The following CTNNB1 variants were observed in gnomAD, a reference collection of about 807,000 sequenced individuals.
CTNNB1 encodes catenin beta 1, also known as catenin beta-1.
Under a neutral mutation model 82.5 loss-of-function variants are expected in CTNNB1, and 6 were observed. The ratio of observed to expected loss-of-function variants is 0.07; its 90% confidence interval spans 0.04 to 0.14. CTNNB1 has a LOEUF of 0.14. Ranked by LOEUF, CTNNB1 falls within the 10% of genes least tolerant of loss-of-function variation. The probability of loss-of-function intolerance (pLI) is 1.00; values close to 1 mark genes in which losing one functional copy is unlikely to be tolerated. For missense variants in CTNNB1, 529 were observed against 980.4 expected (o/e 0.54, Z 6.15); for synonymous variants, 312 against 329.7 (o/e 0.95, Z 0.58).
intron 14 of CTNNB1, 136 bp from the exon 15 acceptor site, chr3:41,238,998 A>G (rs1305787496): frequency 5.2e-6 from 4 of 768,042 alleles, no homozygotes; most frequent in East Asian, 2.6e-5. Context: ...TGAAGAGGCT[A>G]GAAAGCGTTG....
At chr3:41,207,194 C>A (rs572449677) in intron 1 of CTNNB1, among the ~76,000 whole-genome samples, 5 of 152,042 alleles carry the variant, frequency 3.3e-5, no homozygotes, top group African/African-American at 1.2e-4. Context: ...GATGAGATAT[C>A]TAGGAATGCC....
chr3:41,223,321 A>G (rs952561893), intron 1 of CTNNB1, among the ~76,000 whole-genome samples: 2 of 152,128 alleles, frequency 1.3e-5, no homozygotes, highest in Non-Finnish European at 2.9e-5. Context: ...TTAGATGATA[A>G]GATTTATATA....
chr3:41,209,538 G>T (rs1490664183), intron 1 of CTNNB1, among the ~76,000 whole-genome samples: 1 of 152,132 alleles, frequency 6.6e-6, no homozygotes. Flanking sequence ...ATAAAGTCAC[G>T]TGTCATTTTA....
chr3:41,210,961 A>G, intron 1 of CTNNB1: 1 of 449,194 alleles, frequency 2.2e-6, no homozygotes, highest in Non-Finnish European at 4.5e-6. Flanking sequence ...TGGCTAATTA[A>G]AAAAAATTTT....
rs1401882850 is a variant in CTNNB1 at position 41,235,714 on chromosome 3, C to T, written c.1684-10C>T. ...AATGCCCTGTTTGTTAACCATGTTT[C>T]TTTTGGCAGGAGGGGGTCCGCATGG... On this transcript the variant is annotated splice_polypyrimidine_tract_variant and intron_variant, in intron 10 of 14. Transcript: ENST00000349496. 1.9e-6 allele frequency: 3 copies of T among 1,614,090 alleles called. No homozygotes were observed. Among genetic ancestry groups the T allele is most frequent in the Non-Finnish European group, 2.5e-6 (3 of 1,179,986 alleles).
intron 1 of CTNNB1, among the ~76,000 whole-genome samples, chr3:41,218,311 A>G (rs2077959560): frequency 1.3e-5 from 2 of 152,082 alleles, no homozygotes; most frequent in Non-Finnish European, 2.9e-5. Context: ...TCCTAATAAT[A>G]CAATACTTGA....
chr3:41,231,547 T>C (rs903630581), intron 7 of CTNNB1, among the ~76,000 whole-genome samples: 1 of 152,192 alleles, frequency 6.6e-6, no homozygotes, highest in Non-Finnish European at 1.5e-5. Context: ...ACAGAATACT[T>C]TGGTCAGTTT....
rs375741392 is a variant in CTNNB1 at position 41,224,773 on chromosome 3, T to A, written c.241+20T>A. The A allele has an allele frequency of 6.2e-7, 1 of 1,608,228 alleles. No individual in the cohort carries two copies. Among genetic ancestry groups the A allele is most frequent in the South Asian group, 1.1e-5 (1 of 90,928 alleles). On this transcript the variant is annotated intron_variant, in intron 3 of 14. Transcript: ENST00000349496. ...TAGCTGGTAAGAGTATTATTTTTCATTGCCTTACTGAAAGTCAGAATGCAG... is the reference window on the plus strand; with the variant it reads ...TAGCTGGTAAGAGTATTATTTTTCAATGCCTTACTGAAAGTCAGAATGCAG...
At chr3:41,222,548 A>G (rs1048126158) in intron 1 of CTNNB1, among the ~76,000 whole-genome samples, 1 of 152,236 alleles carries the variant, frequency 6.6e-6, no homozygotes, top group African/African-American at 2.4e-5. Flanking sequence ...ACAAATGGCT[A>G]TTGTAAATTT....
intron 14 of CTNNB1, among the ~76,000 whole-genome samples, chr3:41,238,612 T>G (rs997952266): frequency 6.6e-6 from 1 of 152,212 alleles, no homozygotes. Context: ...GCGCAGATTC[T>G]TACTGTGAGA....
At chr3:41,212,995 T>C (rs1213128621) in intron 1 of CTNNB1, among the ~76,000 whole-genome samples, 1 of 152,216 alleles carries the variant, frequency 6.6e-6, no homozygotes, top group Non-Finnish European at 1.5e-5. Context: ...TCTAGTTTTT[T>C]GAATTTTAGT....
chr3:41,211,180 T>A, intron 1 of CTNNB1: 1 of 416,914 alleles, frequency 2.4e-6, no homozygotes, highest in Non-Finnish European at 4.9e-6. Context: ...AGTAGAACAT[T>A]GTGCTGCGAC....
chr3:41,224,350 G>A, intron 2 of CTNNB1, 176 bp from the exon 3 acceptor site: 1 of 737,600 alleles, frequency 1.4e-6, no homozygotes, highest in Non-Finnish European at 2.3e-6. Context: ...GTTCCCTAAG[G>A]GATTAGGTAT....
chr3:41,229,418 TC>T (rs2078251259), intron 7 of CTNNB1, among the ~76,000 whole-genome samples: 1 of 152,216 alleles, frequency 6.6e-6, no homozygotes, highest in Non-Finnish European at 1.5e-5. Context: ...TAGAGATCTT[TC>T]ACCTCCCTGG....
At chr3:41,234,096 G>T in intron 9 of CTNNB1, 43 bp from the exon 10 acceptor site, 1 of 1,613,246 alleles carries the variant, frequency 6.2e-7, no homozygotes, top group South Asian at 1.1e-5. Flanking sequence ...GTAAGAAAAT[G>T]ATTTTGTTGA....
At chr3:41,235,999 G>A in intron 11 of CTNNB1, 156 bp downstream of exon 11, 1 of 926,376 alleles carries the variant, frequency 1.1e-6, no homozygotes, top group Non-Finnish European at 1.7e-6. Context: ...GAGAAACATT[G>A]AGACTTGAGA....
rs1392199991 is a variant in CTNNB1, at chr3:41,240,186, A to AAAT, written c.*846_*848dup. On this transcript the variant is annotated 3_prime_UTR_variant, in exon 15 of 15. Transcript: ENST00000349496. ...TGTAGCCTTTTTGTATAAAATAGACAAATAGAAAATGGTCCAATTAGTTTC... is the reference window on the plus strand; with the variant it reads ...TGTAGCCTTTTTGTATAAAATAGACAAATAATAGAAAATGGTCCAATTAGTTTC... The AAAT allele has an allele frequency of 4.9e-6, 1 of 202,438 alleles. No homozygotes were observed. The highest frequency in any genetic ancestry group is 2.3e-5 in the African/African-American group (1 of 43,672). The allele number at this position is 202,438 out of a possible 1,614,324, so 12.5% of individuals were successfully genotyped here.
intron 1 of CTNNB1, among the ~76,000 whole-genome samples, chr3:41,211,926 A>G (rs752017789): frequency 7.9e-5 from 12 of 152,204 alleles, no homozygotes; most frequent in Non-Finnish European, 1.6e-4. Flanking sequence ...TTTTATAACA[A>G]TAAATCGTGT....
chr3:41,207,745 G>C (rs891713126), intron 1 of CTNNB1, among the ~76,000 whole-genome samples: 4 of 152,128 alleles, frequency 2.6e-5, no homozygotes, highest in African/African-American at 9.7e-5. Flanking sequence ...TCAGTCGTTA[G>C]AAAATCCTTT....
Sources: allele counts gnomAD v4.1 joint callset (sites outside exome capture counted in the v4.1 genomes callset), GRCh38; gene constraint gnomAD v4.1.1; transcripts MANE v1.5; gene names NCBI Gene and HGNC (gene_info 2026-07-23, HGNC 2026-07-21).